Variants in WWTR1 observed in about 807,000 individuals in gnomAD.
The protein encoded by WWTR1 is WW domain-containing transcription regulator protein 1.
A neutral mutation model predicts 40.1 loss-of-function variants in WWTR1; 13 were observed. The observed-to-expected ratio is 0.32, with a 90% confidence interval of 0.21 to 0.52. The LOEUF (loss-of-function observed/expected upper bound fraction) is 0.52, where lower values mean the gene tolerates loss of function less well. Ranked by LOEUF, WWTR1 falls within the 20% of genes least tolerant of loss-of-function variation. WWTR1 has a pLI of 0.97. For missense variants in WWTR1, 436 were observed against 523.1 expected (o/e 0.83, Z 1.63); for synonymous variants, 230 against 210.1 (o/e 1.09, Z -0.82).
chr3:149,603,190 A>G (rs911186737), intron 2 of WWTR1, among the ~76,000 whole-genome samples: 2 of 152,100 alleles, frequency 1.3e-5, no homozygotes, highest in African/African-American at 2.4e-5. Context: ...TGCCCCCCTC[A>G]CTACCACTCT....
At chr3:149,691,652 G>A (rs1714829148) in intron 1 of WWTR1, among the ~76,000 whole-genome samples, 1 of 151,950 alleles carries the variant, frequency 6.6e-6, no homozygotes, top group Non-Finnish European at 1.5e-5. Flanking sequence ...TGAGATCAAA[G>A]CTATAATAAA....
At chr3:149,625,925 C>T (rs182929266) in intron 2 of WWTR1, among the ~76,000 whole-genome samples, 14 of 152,310 alleles carry the variant, frequency 9.2e-5, no homozygotes, top group Admixed American at 4.6e-4. Context: ...CATGCAGCAC[C>T]CTGAGTTTAC....
At chr3:149,713,936 G>T (rs1287120986) in intron 5 of WWTR1, among the ~76,000 whole-genome samples, 1 of 152,202 alleles carries the variant, frequency 6.6e-6, no homozygotes, top group African/African-American at 2.4e-5. Flanking sequence ...GCCCCACGTC[G>T]CTGCTTTTGC....
chr3:149,574,630 T>C (rs1382568018), intron 2 of WWTR1, among the ~76,000 whole-genome samples: 1 of 152,196 alleles, frequency 6.6e-6, no homozygotes, highest in Non-Finnish European at 1.5e-5. Flanking sequence ...TGTATTTGTC[T>C]TGTTTTCTTT....
At chr3:149,701,869 C>T (rs576882414) in intron 1 of WWTR1, 9 of 177,888 alleles carry the variant, frequency 5.1e-5, no homozygotes, top group East Asian at 3.7e-4. Flanking sequence ...ATATGTTATA[C>T]GCAGACTGCA....
In WWTR1 at chr3:149,723,185, C is replaced by T. The variant is rs201354959; in HGVS notation, n.459+895G>A. ...TGGTTTGCTGGTTTTCTTTTCTTTT[C>T]TTTTTTTTTTTTTTTTTTTTGAGAC... On this transcript the variant is annotated intron_variant and non_coding_transcript_variant, in intron 4 of 6. Transcript: ENST00000474080. 7.1e-3 allele frequency among the ~76,000 whole-genome samples: 725 copies of T among 101,478 alleles called. 1 individual carries two copies. Among genetic ancestry groups the T allele is most frequent in the Middle Eastern group, 0.025 (3 of 122 alleles). 66.6% of individuals were successfully genotyped at this position (101,478 alleles called of 152,430 possible). A position where few individuals can be genotyped will look rare whatever the true frequency, so the allele number is the denominator to read the frequency against.
intron 2 of WWTR1, among the ~76,000 whole-genome samples, chr3:149,584,041 A>T (rs932123763): frequency 1.1e-4 from 17 of 152,360 alleles, no homozygotes; most frequent in African/African-American, 3.8e-4. Context: ...CTAAATGCTA[A>T]AATACTTTGA....
Position 149,542,437 on chromosome 3 carries a change from A to T in WWTR1, c.669T>A (p.Asn223Lys). Residue 223 changes from asparagine (N) to lysine (K), a missense_variant, in exon 4 of 7, where the codon AAT (asparagine) becomes AAA (lysine). Coordinates refer to ENST00000360632, the MANE Select transcript of WWTR1 (RefSeq NM_015472.6). ...NPPAGLMSMPNALTTQQQQQQ... is the reference protein window; with the variant it reads ...NPPAGLMSMPKALTTQQQQQQ... ...GCTGCTGCTGCTGAGTGGTCAGCGC[A>T]TTGGGCATACTCATGAGCCCTGCGG... is the stretch of plus-strand genomic sequence containing the variant. 6.2e-7 allele frequency: 1 copy of T among 1,614,078 alleles called. No individual in the cohort carries two copies. Among genetic ancestry groups the T allele is most frequent in the Non-Finnish European group, 8.5e-7 (1 of 1,180,004 alleles).
chr3:149,633,128 T>A (rs1711625794), intron 2 of WWTR1, among the ~76,000 whole-genome samples: 1 of 152,122 alleles, frequency 6.6e-6, no homozygotes, highest in Non-Finnish European at 1.5e-5. Flanking sequence ...GTGGCTCACG[T>A]CTGTAATCCC....
At chr3:149,579,362 T>C (rs1329161594) in intron 2 of WWTR1, among the ~76,000 whole-genome samples, 1 of 152,174 alleles carries the variant, frequency 6.6e-6, no homozygotes, top group African/African-American at 2.4e-5. Flanking sequence ...AAAGACAGCC[T>C]GGGGTCATAA....
At chr3:149,601,746 C>A (rs987040267) in intron 2 of WWTR1, among the ~76,000 whole-genome samples, 1 of 151,472 alleles carries the variant, frequency 6.6e-6, no homozygotes, top group African/African-American at 2.4e-5. Context: ...TTATATAATT[C>A]TATTCTTTGG....
intron 3 of WWTR1, among the ~76,000 whole-genome samples, chr3:149,564,623 C>T (rs17787965): frequency 1.3e-5 from 2 of 151,870 alleles, no homozygotes; most frequent in African/African-American, 4.8e-5. Context: ...AACTGACTTA[C>T]TCAACACATT....
chr3:149,714,241 C>T lies in WWTR1; in HGVS notation n.584+3201G>A, dbSNP rs545151679. Among the ~76,000 whole-genome samples the T allele has an allele frequency of 6.6e-5, 10 of 152,338 alleles. No homozygotes were observed. In the South Asian group the frequency reaches 1.7e-3, roughly 25 times the overall value. Reference sequence around the variant, plus strand: ...CCAAGACACCGCTGTGGACATGGACCCCTGCCTCCCTGTGCTTAGGGGCTG... The same window carrying T: ...CCAAGACACCGCTGTGGACATGGACTCCTGCCTCCCTGTGCTTAGGGGCTG... On this transcript the variant is annotated intron_variant and non_coding_transcript_variant, in intron 5 of 6. Coordinates refer to the WWTR1 transcript ENST00000474080.
chr3:149,574,684 G>C (rs1737797700), intron 2 of WWTR1, among the ~76,000 whole-genome samples: 1 of 151,212 alleles, frequency 6.6e-6, no homozygotes, highest in Admixed American at 6.6e-5. Context: ...TGCTAAAATT[G>C]TTATTCAGAT....
chr3:149,522,144 A>T (rs1325068183), intron 6 of WWTR1, among the ~76,000 whole-genome samples: 2 of 152,228 alleles, frequency 1.3e-5, no homozygotes, highest in African/African-American at 2.4e-5. Context: ...AGCATTGATA[A>T]CTAAGGCCAG....
upstream of WWTR1, among the ~76,000 whole-genome samples, chr3:149,703,645 C>A (rs1715260193): frequency 6.6e-6 from 1 of 152,146 alleles, no homozygotes; most frequent in Non-Finnish European, 1.5e-5. Context: ...AGGTGGGCCT[C>A]TTGGGAGGTG....
At chr3:149,622,374 A>G (rs559715219) in intron 2 of WWTR1, among the ~76,000 whole-genome samples, 2 of 152,042 alleles carry the variant, frequency 1.3e-5, no homozygotes, top group African/African-American at 4.8e-5. Context: ...TACCAATAAT[A>G]TAATACAAAT....
intron 3 of WWTR1, among the ~76,000 whole-genome samples, chr3:149,563,419 ACATTT>A (rs1468806532): frequency 6.6e-6 from 1 of 152,194 alleles, no homozygotes; most frequent in African/African-American, 2.4e-5. Flanking sequence ...ATTAAACAAT[ACATTT>A]CAAGAATCTG....
In WWTR1 at chr3:149,667,551, A is replaced by C. The variant is rs1166235709; in HGVS notation, c.-4+2237T>G. Among the ~76,000 whole-genome samples the C allele has an allele frequency of 3.8e-4, 10 of 26,168 alleles. No individual in the cohort carries two copies. In the East Asian group the frequency reaches 9.1e-3, roughly 24 times the overall value. The allele number at this position is 26,168 out of a possible 152,430, so 17.2% of individuals were successfully genotyped here. A position where few individuals can be genotyped will look rare whatever the true frequency, so the allele number is the denominator to read the frequency against. ...CGACAGAGCAAGACTCCATCTCAAA[A>C]AAAAAAAAAAAAATTATGAAAAAAA... On this transcript the variant is annotated intron_variant, in intron 2 of 7. Coordinates refer to the WWTR1 transcript ENST00000465804.
Sources: allele counts gnomAD v4.1 joint callset (sites outside exome capture counted in the v4.1 genomes callset), GRCh38; gene constraint gnomAD v4.1.1; transcripts MANE v1.5; gene names NCBI Gene and HGNC (gene_info 2026-07-23, HGNC 2026-07-21).